The following GLB1 variants were observed in gnomAD, a reference collection of about 807,000 sequenced individuals.
GLB1 encodes galactosidase beta 1.
Under a neutral mutation model 74.0 loss-of-function variants are expected in GLB1, and 56 were observed. That is an observed-to-expected ratio of 0.76 (90% CI 0.61 to 0.94). The LOEUF (loss-of-function observed/expected upper bound fraction) is 0.94. GLB1 is among the 40% of genes least tolerant of loss of function. The pLI is 0.00. For synonymous variants in GLB1, 323 were observed against 323.6 expected (o/e 1.00, Z 0.02); for missense variants, 787 against 845.5 (o/e 0.93, Z 0.86).
At chr3:33,096,921 C>T in intron 1 of GLB1, 90 bp downstream of exon 1, 3 of 1,539,044 alleles carry the variant, frequency 1.9e-6, no homozygotes, top group Admixed American at 4.0e-5. Context: ...CCCCGCCCTG[C>T]GGGACCGCGG....
chr3:33,014,229 A>C lies in GLB1; in HGVS notation c.1561T>G (p.Cys521Gly). The change falls in exon 15 of 16, where the codon TGC becomes GGC. Residue 521 changes from cysteine (C) to glycine (G), a missense_variant. Physicochemically the swap from Cys to Gly is radical, Grantham distance 159. Coordinates refer to ENST00000307363, the MANE Select transcript of GLB1 (RefSeq NM_000404.4). Reference sequence around the variant, plus strand: ...TGTCCCCAGCCCCCCAGGTGGCTGCACACTGCATCCTCAGTGTCCAGTGGA... The same window carrying C: ...TGTCCCCAGCCCCCCAGGTGGCTGCCCACTGCATCCTCAGTGTCCAGTGGA... The part of the protein sequence containing the change: ...IFPLDTEDAV[C>G]SHLGGWGHRD... The C allele has an allele frequency of 6.2e-7, 1 of 1,614,088 alleles. No individual in the cohort carries two copies. The highest frequency in any genetic ancestry group is 8.5e-7 in the Non-Finnish European group (1 of 1,180,030).
rs1432598285 is a variant in GLB1, at chr3:33,054,036, A to AT, written c.734-488_734-487insA. On this transcript the variant is annotated intron_variant, in intron 6 of 15. Transcript: ENST00000307363. ...TCAAAAATATTTTTTTTATTAAAAAAAATAATAATAATAAATAAATAAAAA... is the reference window on the plus strand; with the variant it reads ...TCAAAAATATTTTTTTTATTAAAAAATAATAATAATAATAAATAAATAAAAA... 2.0e-5 allele frequency among the ~76,000 whole-genome samples: 3 copies of AT among 151,822 alleles called. No homozygotes were observed. In the East Asian group the frequency reaches 5.8e-4, roughly 29 times the overall value.
intron 15 of GLB1, among the ~76,000 whole-genome samples, chr3:33,007,903 TG>T: frequency 6.6e-6 from 1 of 152,356 alleles, no homozygotes; most frequent in South Asian, 2.1e-4. Context: ...AAGACACGGC[TG>T]GGGCTCAGGT....
At chr3:32,997,479 G>C in intron 15 of GLB1, 135 bp from the exon 16 acceptor site, 1 of 1,424,354 alleles carries the variant, frequency 7.0e-7, no homozygotes, top group Non-Finnish European at 9.5e-7. Context: ...CTGACAGCCA[G>C]GCCCATGCCA....
chr3:32,965,740 G>T, the GLB1 span, among the ~76,000 whole-genome samples: 1 of 152,180 alleles, frequency 6.6e-6, no homozygotes, highest in Admixed American at 6.5e-5. Context: ...AGGCCTAGGA[G>T]GGAAAAATGG....
chr3:33,065,696 G>A (rs961109737), intron 4 of GLB1, 139 bp from the exon 5 acceptor site: 26 of 989,646 alleles, frequency 2.6e-5, no homozygotes, highest in South Asian at 4.7e-5. Flanking sequence ...GGCTGGGTGC[G>A]GTGGCTCACG....
the GLB1 span, among the ~76,000 whole-genome samples, chr3:32,969,463 A>AG: frequency 1.3e-5 from 2 of 152,200 alleles, no homozygotes; most frequent in Admixed American, 6.5e-5. Context: ...ATGCACTGCA[A>AG]GGGGCACCAA....
In GLB1 at chr3:33,046,128, T is replaced by A; in HGVS notation, c.1060A>T (p.Ile354Phe). 1 of 1,612,966 alleles carries A rather than the reference T, an allele frequency of 6.2e-7. No homozygotes were observed. Among genetic ancestry groups the A allele is most frequent in the Non-Finnish European group, 8.5e-7 (1 of 1,179,860 alleles). Residue 354 changes from isoleucine (I) to phenylalanine (F), a missense_variant, in exon 10 of 16, where the codon ATC (isoleucine) becomes TTC (phenylalanine). By Grantham distance (21) the Ile-to-Phe change is conservative. Transcript: ENST00000307363. ...TCATACAAAGCACCCACCTTCTGGA[T>A]GATGTTTCGCAGAGCAAAATACTTC... ...TEKYFALRNIIQKFEKVPEGP... is the reference protein window; with the variant it reads ...TEKYFALRNIFQKFEKVPEGP...
Position 33,023,131 on chromosome 3 carries a change from C to A in GLB1, c.1143+1120G>T, listed in dbSNP as rs546764917. ...TTTCTGCTCACACAATTTTCCTTCA[C>A]GGTAAACAGAATGTGCTTTTGGTAA... On this transcript the variant is annotated intron_variant, in intron 11 of 15. Coordinates refer to ENST00000307363, the MANE Select transcript of GLB1 (RefSeq NM_000404.4). Among the ~76,000 whole-genome samples, 15 of 152,282 alleles carry A rather than the reference C, an allele frequency of 9.9e-5. No individual in the cohort carries two copies. In the East Asian group the frequency reaches 2.7e-3, roughly 27 times the overall value.
intron 10 of GLB1, among the ~76,000 whole-genome samples, chr3:33,029,342 A>G (rs1458637132): frequency 2.6e-5 from 4 of 152,220 alleles, no homozygotes; most frequent in African/African-American, 9.6e-5. Flanking sequence ...ACTAGATTCA[A>G]TGGTGACCAG....
chr3:32,984,260 C>G, the GLB1 span, among the ~76,000 whole-genome samples: 19 of 152,006 alleles, frequency 1.2e-4, no homozygotes, highest in Admixed American at 1.2e-3. Context: ...CCTACACCCC[C>G]CTGAGAATTC....
intron 1 of GLB1, among the ~76,000 whole-genome samples, chr3:33,078,383 G>A (rs1700203271): frequency 6.6e-6 from 1 of 152,174 alleles, no homozygotes; most frequent in African/African-American, 2.4e-5. Flanking sequence ...TGAAGGATTG[G>A]GCATATTTTT....
intron 10 of GLB1, among the ~76,000 whole-genome samples, chr3:33,041,714 G>A (rs934828867): frequency 2.6e-4 from 39 of 150,650 alleles, no homozygotes; most frequent in African/African-American, 9.3e-4. Context: ...TGAAAATGAG[G>A]GTGAAAAAAA....
intron 11 of GLB1, among the ~76,000 whole-genome samples, chr3:33,024,029 T>A (rs545931588): frequency 6.6e-6 from 1 of 152,196 alleles, no homozygotes; most frequent in Non-Finnish European, 1.5e-5. Context: ...CTCCCACCCA[T>A]GTCTCATCTG....
At chr3:33,021,169 C>A in intron 12 of GLB1, 1 of 217,088 alleles carries the variant, frequency 4.6e-6, no homozygotes, top group Non-Finnish European at 9.2e-6. Flanking sequence ...CCTAGTCTAC[C>A]AAAAAACACA....
the GLB1 span, among the ~76,000 whole-genome samples, chr3:32,988,042 C>T: frequency 6.6e-6 from 1 of 151,778 alleles, no homozygotes; most frequent in Admixed American, 6.6e-5. Flanking sequence ...ACACAATTAG[C>T]TGGGTGTGGT....
Position 32,997,236 on chromosome 3 carries a change from T to C in GLB1, c.1843A>G (p.Thr615Ala), listed in dbSNP as rs1416957261. 6.2e-7 allele frequency: 1 copy of C among 1,614,100 alleles called. No homozygotes were observed. The highest frequency in any genetic ancestry group is 1.3e-5 in the African/African-American group (1 of 75,016). ...CACTCCAGTTCCAGCACGGTGATGG[T>C]GTTTGGGGCCGAGGTCATCAGGATG... ...QHILMTSAPN[T>A]ITVLELEWAP... The change falls in exon 16 of 16, where the codon ACC (threonine) becomes GCC (alanine). Residue 615 changes from threonine to alanine, a missense_variant. Coordinates refer to ENST00000307363, the MANE Select transcript of GLB1 (RefSeq NM_000404.4).
chr3:32,996,710 T>G lies in GLB1; in HGVS notation c.*335A>C. 2.8e-6 allele frequency: 1 copy of G among 357,396 alleles called. No individual in the cohort carries two copies. Among genetic ancestry groups the G allele is most frequent in the African/African-American group, 2.1e-5 (1 of 47,518 alleles). 22.1% of individuals were successfully genotyped at this position (357,396 alleles called of 1,614,324 possible). ...GACCATATAATTCAATACCTGCACA[T>G]TAAAAACAGTGACATCATCATTTGA... On this transcript the variant is annotated 3_prime_UTR_variant, in exon 16 of 16. Coordinates refer to ENST00000307363, the MANE Select transcript of GLB1 (RefSeq NM_000404.4).
chr3:33,032,320 G>A (rs2125493148), intron 10 of GLB1, among the ~76,000 whole-genome samples: 2 of 152,284 alleles, frequency 1.3e-5, no homozygotes, highest in Middle Eastern at 3.4e-3. Context: ...ACTATTAAGT[G>A]TTGGTGCTTA....
Sources: allele counts gnomAD v4.1 joint callset (sites outside exome capture counted in the v4.1 genomes callset), GRCh38; gene constraint gnomAD v4.1.1; transcripts MANE v1.5; gene names NCBI Gene and HGNC (gene_info 2026-07-23, HGNC 2026-07-21).